Variants in DNAH5 observed in about 807,000 individuals in gnomAD.
DNAH5 encodes dynein axonemal heavy chain 5, also known as axonemal beta dynein heavy chain 5.
A neutral mutation model predicts 518.2 loss-of-function variants in DNAH5; 372 were observed. The observed-to-expected ratio is 0.72, with a 90% CI of 0.66 to 0.78. The LOEUF (loss-of-function observed/expected upper bound fraction) is 0.78. Among genes scored for constraint, DNAH5 ranks in the 30% least tolerant of loss-of-function variants. The pLI, the probability that DNAH5 is intolerant of heterozygous loss-of-function variation, is 0.00. For missense variants in DNAH5, 5,523 were observed against 5,687.0 expected, an observed-to-expected ratio of 0.97 and a Z score of 0.93; for synonymous variants, 2,039 against 2,025.9, an observed-to-expected ratio of 1.01 and a Z score of -0.17.
chr5:13,901,330 A>G lies in DNAH5; in HGVS notation c.1974T>C (p.Pro658=), dbSNP rs1437623528. 1.9e-6 allele frequency: 3 copies of G among 1,614,138 alleles called. No homozygotes were observed. The highest frequency in any genetic ancestry group is 2.5e-6 in the Non-Finnish European group (3 of 1,180,010). The change falls in exon 14 of 79, where the codon CCT becomes CCC. Residue 658 remains proline, a synonymous_variant. Transcript: ENST00000265104. ...PAVLSTAEAK[P]IIRSYNRMAK... is the part of the protein sequence containing the mutation. ...CCATCCTGTTGTAACTGCGAATTAT[A>G]GGTTTGGCTTCTGCCGTGCTTAGCA... is the stretch of plus-strand genomic sequence containing the variant.
intron 42 of DNAH5, among the ~76,000 whole-genome samples, chr5:13,815,555 T>C (rs986506163): frequency 2.6e-5 from 4 of 152,180 alleles, no homozygotes; most frequent in Non-Finnish European, 4.4e-5. Context: ...GCTGGCTCCC[T>C]GATCTCAGAC....
chr5:13,721,655 T>A (rs1249528271), intron 70 of DNAH5, among the ~76,000 whole-genome samples: 1 of 152,240 alleles, frequency 6.6e-6, no homozygotes, highest in African/African-American at 2.4e-5. Context: ...ATTAAATAGA[T>A]AATTATTGAG....
In DNAH5 at chr5:13,870,783, T is replaced by A; in HGVS notation, c.3818A>T (p.Gln1273Leu). The A allele has an allele frequency of 6.2e-7, 1 of 1,613,584 alleles. No individual in the cohort carries two copies. Among genetic ancestry groups the A allele is most frequent in the East Asian group, 2.2e-5 (1 of 44,868 alleles). Reference sequence around the variant, plus strand: ...ATTAGTTACCTCAATAGGTCCTACTTGAAAGTCAATGGAGATTTGCTCCTC... The same window carrying A: ...ATTAGTTACCTCAATAGGTCCTACTAGAAAGTCAATGGAGATTTGCTCCTC... ...IREEQISIDFQVGPIEESYAL... is the reference protein window; with the variant it reads ...IREEQISIDFLVGPIEESYAL... Residue 1273 changes from glutamine to leucine, a missense_variant, in exon 24 of 79, where the codon CAA becomes CTA. Transcript: ENST00000265104.
intron 40 of DNAH5, among the ~76,000 whole-genome samples, chr5:13,821,718 C>A (rs1258551234): frequency 2.0e-5 from 3 of 152,118 alleles, no homozygotes; most frequent in Non-Finnish European, 4.4e-5. Context: ...CTATGATTTG[C>A]CCTTCAGATT....
At chr5:13,781,891 A>G (rs1755198828) in intron 52 of DNAH5, among the ~76,000 whole-genome samples, 1 of 152,158 alleles carries the variant, frequency 6.6e-6, no homozygotes, top group African/African-American at 2.4e-5. Context: ...GGTATCTACC[A>G]ATAAGTGATT....
chr5:13,692,309 C>T (rs1181388175), intron 78 of DNAH5, among the ~76,000 whole-genome samples, 174 bp from the exon 79 acceptor site: 2 of 152,162 alleles, frequency 1.3e-5, no homozygotes, highest in African/African-American at 4.8e-5. Flanking sequence ...CAGATGCTCC[C>T]ACATGGTGCC....
chr5:13,775,138 T>TG (rs1554043071), intron 55 of DNAH5, among the ~76,000 whole-genome samples: 2 of 151,574 alleles, frequency 1.3e-5, no homozygotes, highest in Middle Eastern at 3.4e-3. Context: ...TTTTTGTTTT[T>TG]TTTTTTTTTC....
At chr5:13,972,207 G>A (rs1001557509) in intron 1 of DNAH5, among the ~76,000 whole-genome samples, 14 of 152,214 alleles carry the variant, frequency 9.2e-5, no homozygotes, top group Non-Finnish European at 1.6e-4. Context: ...CCAGGCAGCC[G>A]GTGAGCAGGC....
chr5:13,810,016 A>C (rs1458906024), intron 45 of DNAH5, 43 bp downstream of exon 45: 1 of 1,527,170 alleles, frequency 6.5e-7, no homozygotes, highest in African/African-American at 1.4e-5. Flanking sequence ...TGTAGGAAAG[A>C]ACGGCCCCCA....
chr5:13,939,854 C>T (rs1779297679), intron 1 of DNAH5, among the ~76,000 whole-genome samples: 1 of 152,158 alleles, frequency 6.6e-6, no homozygotes, highest in Non-Finnish European at 1.5e-5. Flanking sequence ...AAAGAGATGA[C>T]ACGCTGGCTA....
Position 13,737,350 on chromosome 5 carries a change from C to G in DNAH5, c.11357G>C (p.Ser3786Thr), listed in dbSNP as rs777928542. The change falls in exon 66 of 79, where the codon AGT becomes ACT. Residue 3786 changes from serine to threonine, a missense_variant. Physicochemically the swap from Ser to Thr is moderately conservative, Grantham distance 58. Transcript: ENST00000265104. Reference sequence around the variant, plus strand: ...CTCCTCGGCTGTCCTTTTTGTGTTACTCAGCACGACAATGAGACTTTCATC... The same window carrying G: ...CTCCTCGGCTGTCCTTTTTGTGTTAGTCAGCACGACAATGAGACTTTCATC... ...VEDESLIVVL[S>T]NTKRTAEEVT... 6 of 1,614,112 alleles carry G rather than the reference C, an allele frequency of 3.7e-6. No individual in the cohort carries two copies. Among genetic ancestry groups the G allele is most frequent in the Non-Finnish European group, 5.1e-6 (6 of 1,180,002 alleles).
At chr5:13,704,071 C>G (rs1266284910) in intron 76 of DNAH5, among the ~76,000 whole-genome samples, 1 of 152,120 alleles carries the variant, frequency 6.6e-6, no homozygotes, top group South Asian at 2.1e-4. Context: ...CTGTCTGGAC[C>G]CAAGGATGCA....
chr5:13,727,218 C>T (rs1326796614), intron 70 of DNAH5, among the ~76,000 whole-genome samples: 2 of 152,158 alleles, frequency 1.3e-5, no homozygotes, highest in African/African-American at 4.8e-5. Flanking sequence ...AAGAATAACG[C>T]ATTACCTGTA....
At chr5:13,991,694 A>T (rs1005428814) in intron 1 of DNAH5, among the ~76,000 whole-genome samples, 5 of 152,118 alleles carry the variant, frequency 3.3e-5, no homozygotes, top group African/African-American at 1.2e-4. Flanking sequence ...TGAAGACAGA[A>T]CAGAGGTGTG....
rs2126702324 is a variant in DNAH5, at chr5:13,753,548, C to T, written c.10557G>A (p.Gly3519=). Residue 3519 remains glycine, a splice_region_variant and synonymous_variant, in exon 63 of 79, where the codon GGG becomes GGA. Coordinates refer to ENST00000265104, the MANE Select transcript of DNAH5 (RefSeq NM_001369.3). Reference sequence around the variant, plus strand: ...GAAAAGCTGTAGCCAACAGTACATCCCCTAAAATAGAAAACAAACACCATT... The same window carrying T: ...GAAAAGCTGTAGCCAACAGTACATCTCCTAAAATAGAAAACAAACACCATT... ...EFAAQTKRLV[G]DVLLATAFLS... 1 of 1,612,236 alleles carries T rather than the reference C, an allele frequency of 6.2e-7. No homozygotes were observed. The highest frequency in any genetic ancestry group is 8.5e-7 in the Non-Finnish European group (1 of 1,178,994).
At chr5:13,759,033 A>G in intron 60 of DNAH5, 50 bp from the exon 61 acceptor site, 20 of 1,611,264 alleles carry the variant, frequency 1.2e-5, no homozygotes, top group Non-Finnish European at 1.7e-5. Flanking sequence ...ACCTCAAAAC[A>G]TCCTGCATTT....
intron 61 of DNAH5, among the ~76,000 whole-genome samples, chr5:13,755,552 T>A (rs1041849112): frequency 9.2e-5 from 14 of 152,314 alleles, no homozygotes; most frequent in African/African-American, 3.1e-4. Context: ...TATAGAGACA[T>A]GAATTGCTTT....
At chr5:13,898,265 G>A in intron 15 of DNAH5, 1 of 289,986 alleles carries the variant, frequency 3.4e-6, no homozygotes. Flanking sequence ...GTGCTTACAA[G>A]TGTTTGTTGC....
chr5:13,910,359 T>C (rs940261136), intron 12 of DNAH5, among the ~76,000 whole-genome samples: 1 of 152,164 alleles, frequency 6.6e-6, no homozygotes, highest in Admixed American at 6.5e-5. Flanking sequence ...TTACGATTAT[T>C]AAATGAATTA....
Sources: allele counts gnomAD v4.1 joint callset (sites outside exome capture counted in the v4.1 genomes callset), GRCh38; gene constraint gnomAD v4.1.1; transcripts MANE v1.5; gene names NCBI Gene and HGNC (gene_info 2026-07-23, HGNC 2026-07-21).